Variants in ANO10 observed in about 807,000 individuals in gnomAD.
ANO10 encodes the protein anoctamin 10.
A neutral mutation model predicts 74.7 loss-of-function variants in ANO10; 77 were observed. The ratio of observed to expected loss-of-function variants is 1.03; its 90% CI spans 0.86 to 1.25. The LOEUF is 1.25. Among genes scored for constraint, ANO10 ranks in the 50% most tolerant of loss-of-function variants. The pLI is 0.00. For synonymous variants in ANO10, 279 were observed against 284.9 expected, an observed-to-expected ratio of 0.98 and a Z score of 0.21; for missense variants, 721 against 778.1, an observed-to-expected ratio of 0.93 and a Z score of 0.87.
At chr3:43,398,708 C>G (rs999437842) in intron 12 of ANO10, among the ~76,000 whole-genome samples, 1 of 152,224 alleles carries the variant, frequency 6.6e-6, no homozygotes, top group Admixed American at 6.5e-5. Context: ...TGAGTGTGGG[C>G]ATTGGAATCA....
intron 4 of ANO10, among the ~76,000 whole-genome samples, chr3:43,588,341 A>C (rs184050488): frequency 6.6e-6 from 1 of 152,162 alleles, no homozygotes; most frequent in African/African-American, 2.4e-5. Context: ...TTAAATTTGA[A>C]TTGACTATAT....
In ANO10 at chr3:43,647,153, ATGTG is replaced by A. The variant is rs57290936; in HGVS notation, c.-11-41294_-11-41291del. The stretch of plus-strand genomic sequence containing the variant: ...CAGAACCAAAAAGATATGTGTATAT[ATGTG>A]TGTGTGTGTGTGTGTGTGTGTGTGT... On this transcript the variant is annotated intron_variant, in intron 1 of 3. Coordinates refer to the ANO10 transcript ENST00000413397. Among the ~76,000 whole-genome samples, 310 of 141,882 alleles carry A rather than the reference ATGTG, an allele frequency of 2.2e-3. 1 individual carries two copies. Among genetic ancestry groups the A allele is most frequent in the Middle Eastern group, 0.011 (3 of 282 alleles). The allele number at this position is 141,882 out of a possible 152,430, so 93.1% of individuals were successfully genotyped here.
chr3:43,609,927 G>A (rs1435720386), intron 1 of ANO10, among the ~76,000 whole-genome samples: 1 of 152,054 alleles, frequency 6.6e-6, no homozygotes, highest in African/African-American at 2.4e-5. Flanking sequence ...TGAATGTGAA[G>A]GCCTAAGACA....
chr3:43,369,357 A>C (rs1166823340), intron 12 of ANO10, among the ~76,000 whole-genome samples: 1 of 152,250 alleles, frequency 6.6e-6, no homozygotes, highest in Non-Finnish European at 1.5e-5. Flanking sequence ...TCTGCACTGA[A>C]CTGCACTACT....
chr3:43,557,447 T>C (rs1486327290), intron 9 of ANO10, among the ~76,000 whole-genome samples: 2 of 152,028 alleles, frequency 1.3e-5, no homozygotes, highest in Admixed American at 6.5e-5. Flanking sequence ...TTAAAGACAT[T>C]TTGTTTGGCC....
chr3:43,372,252 T>G (rs965632673), intron 12 of ANO10, among the ~76,000 whole-genome samples: 2 of 151,678 alleles, frequency 1.3e-5, no homozygotes, highest in African/African-American at 4.9e-5. Context: ...GGATGCCTGC[T>G]CCCCCGGCCC....
intron 12 of ANO10, among the ~76,000 whole-genome samples, chr3:43,388,081 T>C (rs1056892182): frequency 3.3e-5 from 5 of 152,142 alleles, no homozygotes; most frequent in Non-Finnish European, 7.4e-5. Context: ...TTCACAAACA[T>C]GTGCACTCTA....
chr3:43,451,560 T>C (rs539551492), intron 11 of ANO10, among the ~76,000 whole-genome samples: 1 of 151,470 alleles, frequency 6.6e-6, no homozygotes, highest in East Asian at 1.9e-4. Context: ...AATTTTAAAA[T>C]GAGGATTTTA....
At chr3:43,595,400 A>G (rs2082026850) in intron 4 of ANO10, among the ~76,000 whole-genome samples, 1 of 152,222 alleles carries the variant, frequency 6.6e-6, no homozygotes, top group Non-Finnish European at 1.5e-5. Context: ...CAGCACATCA[A>G]AAAGCTTATC....
chr3:43,582,934 G>C (rs2081326532), intron 4 of ANO10, among the ~76,000 whole-genome samples: 1 of 152,180 alleles, frequency 6.6e-6, no homozygotes, highest in Admixed American at 6.5e-5. Context: ...GGGATGTACA[G>C]GCTACAGCTG....
intron 12 of ANO10, among the ~76,000 whole-genome samples, chr3:43,415,545 C>T (rs937903679): frequency 6.8e-6 from 1 of 147,246 alleles, no homozygotes; most frequent in African/African-American, 2.5e-5. Flanking sequence ...TTCTTTCTTT[C>T]TTTTTTTTTT....
chr3:43,372,957 C>T (rs1266177770), intron 12 of ANO10: 1 of 1,081,550 alleles, frequency 9.2e-7, no homozygotes, highest in Non-Finnish European at 1.3e-6. Flanking sequence ...AGCCTCTTTT[C>T]TCATGTAACA....
intron 11 of ANO10, among the ~76,000 whole-genome samples, chr3:43,450,355 A>G (rs928149536): frequency 1.3e-5 from 2 of 152,142 alleles, no homozygotes; most frequent in Non-Finnish European, 1.5e-5. Flanking sequence ...AGCCTGGGCA[A>G]CATAGTGAGA....
chr3:43,429,252 C>T (rs1172274605), intron 12 of ANO10, among the ~76,000 whole-genome samples: 1 of 152,058 alleles, frequency 6.6e-6, no homozygotes, highest in Non-Finnish European at 1.5e-5. Context: ...GAGGGAGGTT[C>T]ATAGGGAATG....
chr3:43,447,098 A>G (rs2093257890), intron 11 of ANO10, among the ~76,000 whole-genome samples: 1 of 152,164 alleles, frequency 6.6e-6, no homozygotes, highest in Non-Finnish European at 1.5e-5. Flanking sequence ...CCCATACTTT[A>G]TCGACCAGTG....
At chr3:43,438,400 C>T (rs1054542685) in intron 11 of ANO10, among the ~76,000 whole-genome samples, 64 of 151,626 alleles carry the variant, frequency 4.2e-4, no homozygotes, top group African/African-American at 1.3e-3. Context: ...GCTATTATCA[C>T]ACCACCACAC....
intron 1 of ANO10, among the ~76,000 whole-genome samples, chr3:43,674,945 A>G (rs535788455): frequency 2.7e-4 from 41 of 152,224 alleles, no homozygotes; most frequent in Non-Finnish European, 5.4e-4. Context: ...CTGTTCCATC[A>G]AAATACCCAC....
chr3:43,592,419 C>T (rs2081832570), intron 4 of ANO10, among the ~76,000 whole-genome samples: 3 of 152,212 alleles, frequency 2.0e-5, no homozygotes, highest in Non-Finnish European at 4.4e-5. Flanking sequence ...AACGATCAGG[C>T]TGCAACATTT....
rs2091432967 is a variant in ANO10 at position 43,366,986 on chromosome 3, A to G, written c.1915-12T>C. The G allele has an allele frequency of 6.3e-7, 1 of 1,592,958 alleles. No individual in the cohort carries two copies. Among genetic ancestry groups the G allele is most frequent in the Non-Finnish European group, 8.6e-7 (1 of 1,169,054 alleles). On this transcript the variant is annotated splice_polypyrimidine_tract_variant and intron_variant, in intron 12 of 12. Coordinates refer to ENST00000292246, the MANE Select transcript of ANO10 (RefSeq NM_018075.5). ...ACGAGCTTCATTTGCTGTTAAGAGA[A>G]AACAGGACACCAGGTGAGCCACAGA...
Sources: gnomAD v4.1 joint callset for allele counts (sites outside exome capture counted in the v4.1 genomes callset) on GRCh38, gnomAD v4.1.1 for gene constraint, MANE v1.5 for transcripts, NCBI Gene and HGNC (gene_info 2026-07-23, HGNC 2026-07-21) for gene names.